C10orf67: variants seen among roughly 807,000 people sequenced by gnomAD.
The protein encoded by C10orf67 is uncharacterized protein C10orf67, mitochondrial.
In C10orf67, 60 loss-of-function variants were observed where a neutral mutation model predicts 35.6. That is an observed-to-expected ratio of 1.68 (90% confidence interval 1.37 to 2.09). The LOEUF (loss-of-function observed/expected upper bound fraction) is 2.09, where lower values mean the gene tolerates loss of function less well. Ranked by LOEUF, C10orf67 falls within the 30% of genes most tolerant of loss-of-function variation. C10orf67 has a pLI of 0.00. For missense variants in C10orf67, 474 were observed against 330.2 expected (o/e 1.44, Z -3.38); for synonymous variants, 167 against 115.8 (o/e 1.44, Z -2.84).
chr10:23,279,223 A>T (rs930064560), intron 8 of C10orf67, among the ~76,000 whole-genome samples: 1 of 152,254 alleles, frequency 6.6e-6, no homozygotes, highest in Admixed American at 6.5e-5. Flanking sequence ...CCACATGGAC[A>T]GCAGAACTTG....
At chr10:23,313,748 A>G (rs575267652) in intron 4 of C10orf67, among the ~76,000 whole-genome samples, 1 of 152,346 alleles carries the variant, frequency 6.6e-6, no homozygotes, top group Admixed American at 6.5e-5. Context: ...GTTTTAGCTA[A>G]GAAGTGGAAA....
chr10:23,335,905 C>G (rs1337284848), intron 1 of C10orf67, among the ~76,000 whole-genome samples: 1 of 152,204 alleles, frequency 6.6e-6, no homozygotes, highest in African/African-American at 2.4e-5. Context: ...AGTCTCCCCA[C>G]AGTTGTACCT....
At chr10:23,333,614 AATT>A (rs1845561855) in intron 1 of C10orf67, among the ~76,000 whole-genome samples, 1 of 152,188 alleles carries the variant, frequency 6.6e-6, no homozygotes, top group East Asian at 1.9e-4. Context: ...AGATCAAATT[AATT>A]TTATAATAGT....
intron 15 of C10orf67, among the ~76,000 whole-genome samples, chr10:23,216,396 A>G (rs1057273113): frequency 6.6e-6 from 1 of 152,192 alleles, no homozygotes; most frequent in Non-Finnish European, 1.5e-5. Flanking sequence ...ACAAACTCAT[A>G]ACCTACTGAT....
chr10:23,253,037 C>T (rs140034850), intron 10 of C10orf67, among the ~76,000 whole-genome samples: 14 of 151,638 alleles, frequency 9.2e-5, no homozygotes, highest in African/African-American at 3.4e-4. Context: ...TCTCTCTTTG[C>T]TTGCTGCCAT....
intron 15 of C10orf67, among the ~76,000 whole-genome samples, chr10:23,209,023 A>G (rs1171871713): frequency 1.3e-5 from 2 of 151,974 alleles, no homozygotes; most frequent in Non-Finnish European, 2.9e-5. Context: ...CAGAAGACCC[A>G]CCACCTAGAT....
At chr10:23,246,251 T>TAG (rs1488925574) in intron 12 of C10orf67, among the ~76,000 whole-genome samples, 1 of 152,170 alleles carries the variant, frequency 6.6e-6, no homozygotes, top group African/African-American at 2.4e-5. Context: ...TATCAGGTAC[T>TAG]AGGCTGATTA....
At chr10:23,255,747 C>A (rs867587941) in intron 10 of C10orf67, among the ~76,000 whole-genome samples, 1 of 151,852 alleles carries the variant, frequency 6.6e-6, no homozygotes, top group Non-Finnish European at 1.5e-5. Flanking sequence ...TAAATTGACA[C>A]GAATTGGTTA....
chr10:23,226,448 A>G (rs1044034826), intron 13 of C10orf67, among the ~76,000 whole-genome samples: 13 of 152,202 alleles, frequency 8.5e-5, no homozygotes, highest in African/African-American at 3.1e-4. Context: ...CAGTGTGTAG[A>G]GGGAAATTTA....
intron 15 of C10orf67, among the ~76,000 whole-genome samples, chr10:23,217,950 G>A (rs1841475219): frequency 6.6e-6 from 1 of 152,018 alleles, no homozygotes; most frequent in African/African-American, 2.4e-5. Flanking sequence ...AAAGCATATG[G>A]GTTGCCTTCC....
intron 13 of C10orf67, among the ~76,000 whole-genome samples, chr10:23,238,240 AAGGGAC>A (rs765098241): frequency 3.3e-5 from 5 of 152,220 alleles, no homozygotes; most frequent in African/African-American, 4.8e-5. Flanking sequence ...AGAGGGAACC[AAGGGAC>A]AGTGTTAGTG....
At chr10:23,313,861 G>C (rs1844589832) in intron 4 of C10orf67, among the ~76,000 whole-genome samples, 1 of 152,192 alleles carries the variant, frequency 6.6e-6, no homozygotes, top group Admixed American at 6.5e-5. Context: ...AAACAGGGCA[G>C]GATATGGTCA....
intron 4 of C10orf67, among the ~76,000 whole-genome samples, chr10:23,306,225 AGTAGAACGGTG>A (rs1292873750): frequency 6.6e-6 from 1 of 152,240 alleles, no homozygotes; most frequent in East Asian, 1.9e-4. Flanking sequence ...TGAAGCAGGG[AGTAGAACGGTG>A]GTTGACAGGC....
chr10:23,240,211 C>A (rs1232174727), intron 12 of C10orf67, among the ~76,000 whole-genome samples: 1 of 152,072 alleles, frequency 6.6e-6, no homozygotes, highest in African/African-American at 2.4e-5. Context: ...AAAAACCACA[C>A]ACACACACAC....
At chr10:23,270,283 A>T (rs571177923) in intron 8 of C10orf67, among the ~76,000 whole-genome samples, 124 of 152,232 alleles carry the variant, frequency 8.1e-4, no homozygotes, top group African/African-American at 3.0e-3. Flanking sequence ...GAGCCAAAGA[A>T]ACCCCTGCCC....
intron 2 of C10orf67, among the ~76,000 whole-genome samples, chr10:23,323,952 T>TATATATACACACACAC (rs1564513730): frequency 4.6e-5 from 3 of 64,678 alleles, no homozygotes; most frequent in Non-Finnish European, 6.7e-5. Context: ...TATATATATA[T>TATATATACACACACAC]ACACACACAC....
chr10:23,304,136 T>C (rs1019845039), intron 4 of C10orf67, among the ~76,000 whole-genome samples: 1 of 152,224 alleles, frequency 6.6e-6, no homozygotes, highest in Admixed American at 6.5e-5. Flanking sequence ...CAGCTGCAGT[T>C]TGAGACCAGT....
At chr10:23,289,164 G>A (rs1002080448) in intron 7 of C10orf67, among the ~76,000 whole-genome samples, 6 of 152,120 alleles carry the variant, frequency 3.9e-5, no homozygotes, top group African/African-American at 1.2e-4. Context: ...GGTTGGTGGT[G>A]TGTGTGTATG....
At chr10:23,295,200 A>G (rs1843845546) in intron 5 of C10orf67, among the ~76,000 whole-genome samples, 1 of 152,208 alleles carries the variant, frequency 6.6e-6, no homozygotes, top group Non-Finnish European at 1.5e-5. Context: ...GACTAACTAC[A>G]TTGGAATAAC....
Sources: gnomAD v4.1 joint callset for allele counts (sites outside exome capture counted in the v4.1 genomes callset) on GRCh38, gnomAD v4.1.1 for gene constraint, MANE v1.5 for transcripts, NCBI Gene and HGNC (gene_info 2026-07-23, HGNC 2026-07-21) for gene names.